Variants in DECR1 observed in about 807,000 individuals in gnomAD.
DECR1 encodes the protein 2,4-dienoyl-CoA reductase [(3E)-enoyl-CoA-producing], mitochondrial.
In DECR1, 44 loss-of-function variants were observed where a neutral mutation model predicts 38.8. The observed-to-expected ratio is 1.13, with a 90% confidence interval of 0.89 to 1.46. The LOEUF (loss-of-function observed/expected upper bound fraction) is 1.46, where lower values mean the gene tolerates loss of function less well. Among genes scored for constraint, DECR1 ranks in the 40% most tolerant of loss-of-function variants. The pLI is 0.00. For missense variants in DECR1, 428 were observed against 405.5 expected, an observed-to-expected ratio of 1.06 and a Z score of -0.48; for synonymous variants, 148 against 135.2, an observed-to-expected ratio of 1.09 and a Z score of -0.66.
chr8:90,039,110 A>G (rs1813687615), intron 6 of DECR1, among the ~76,000 whole-genome samples: 1 of 152,198 alleles, frequency 6.6e-6, no homozygotes, highest in African/African-American at 2.4e-5. Flanking sequence ...TTCTTCTCAT[A>G]CTTTATAGTA....
chr8:90,018,644 T>C (rs773912620), intron 2 of DECR1: 1 of 339,584 alleles, frequency 2.9e-6, no homozygotes, highest in Non-Finnish European at 5.5e-6. Context: ...TTTGTAAACC[T>C]GGCTTATCAA....
intron 8 of DECR1, among the ~76,000 whole-genome samples, chr8:90,046,902 T>G (rs12114835): frequency 0.078 from 11,895 of 152,192 alleles, 1,439 homozygotes; most frequent in African/African-American, 0.26. Context: ...AGAAAATAAT[T>G]TTTAACCTAG....
chr8:90,039,758 T>C (rs1813702542), intron 6 of DECR1, among the ~76,000 whole-genome samples: 1 of 152,160 alleles, frequency 6.6e-6, no homozygotes, highest in Non-Finnish European at 1.5e-5. Flanking sequence ...CATCACACAA[T>C]TCCCAGCCTA....
At chr8:90,011,448 C>G (rs903356324) in intron 1 of DECR1, among the ~76,000 whole-genome samples, 7 of 152,082 alleles carry the variant, frequency 4.6e-5, no homozygotes, top group Non-Finnish European at 1.0e-4. Context: ...CTTGCATTTT[C>G]AAAACAATTT....
intron 2 of DECR1, among the ~76,000 whole-genome samples, chr8:90,018,355 C>T (rs1813062115): frequency 6.6e-6 from 1 of 152,198 alleles, no homozygotes; most frequent in South Asian, 2.1e-4. Flanking sequence ...GTTTAAAAAT[C>T]CACCCCTTCA....
chr8:90,025,146 G>C (rs1350120399), intron 5 of DECR1, among the ~76,000 whole-genome samples: 10 of 152,006 alleles, frequency 6.6e-5, no homozygotes, highest in Admixed American at 2.0e-4. Context: ...AGTTTGAAGT[G>C]AGGTAGTATG....
At chr8:90,029,292 G>A (rs1198027645) in intron 5 of DECR1, 2 of 152,156 alleles carry the variant, frequency 1.3e-5, no homozygotes, top group African/African-American at 4.8e-5. Context: ...AGATGTACAT[G>A]TGCTTTTTCT....
At chr8:90,019,753 C>T (rs555646839) in intron 4 of DECR1, among the ~76,000 whole-genome samples, 2 of 152,344 alleles carry the variant, frequency 1.3e-5, no homozygotes, top group South Asian at 2.1e-4. Context: ...TGAGCAAGTG[C>T]TGTGTTGAGA....
At chr8:90,031,078 T>C (rs934514332) in intron 5 of DECR1, among the ~76,000 whole-genome samples, 22 of 152,174 alleles carry the variant, frequency 1.4e-4, no homozygotes, top group Non-Finnish European at 3.1e-4. Flanking sequence ...AGTTACATAG[T>C]AGTTAAGAGT....
At chr8:90,015,164 CAA>C (rs532179611) in intron 1 of DECR1, among the ~76,000 whole-genome samples, 1 of 149,632 alleles carries the variant, frequency 6.7e-6, no homozygotes, top group African/African-American at 2.5e-5. Context: ...AACAAACAAA[CAA>C]AAAAAAACAA....
intron 5 of DECR1, among the ~76,000 whole-genome samples, chr8:90,031,769 A>G (rs532871907): frequency 6.6e-6 from 1 of 152,140 alleles, no homozygotes; most frequent in Non-Finnish European, 1.5e-5. Flanking sequence ...TGCAACCAAC[A>G]GCTCAGTTGT....
chr8:90,038,664 C>G (rs1014520327), intron 6 of DECR1, among the ~76,000 whole-genome samples: 1 of 151,894 alleles, frequency 6.6e-6, no homozygotes, highest in African/African-American at 2.4e-5. Context: ...CCTCCATTAA[C>G]GTAACATTAA....
At chr8:90,007,554 GTGGGGGTGGGGTTAA>G (rs1441354335) in intron 1 of DECR1, among the ~76,000 whole-genome samples, 3 of 151,956 alleles carry the variant, frequency 2.0e-5, no homozygotes, top group Admixed American at 6.6e-5. Flanking sequence ...AGGGCAGGTG[GTGGGGGTGGGGTTAA>G]TGGATGAATC....
intron 1 of DECR1, chr8:90,005,479 T>C (rs1812716296): frequency 1.3e-5 from 6 of 455,804 alleles, no homozygotes; most frequent in South Asian, 9.3e-5. Flanking sequence ...GAAGCCAAAG[T>C]ATCACTTTTA....
intron 1 of DECR1, among the ~76,000 whole-genome samples, chr8:90,001,995 G>A (rs535684744): frequency 6.6e-6 from 1 of 152,300 alleles, no homozygotes; most frequent in South Asian, 2.1e-4. Flanking sequence ...ACCAGGTCCC[G>A]GAGCGAAGGG....
chr8:90,006,113 C>G, intron 1 of DECR1: 2 of 673,046 alleles, frequency 3.0e-6, no homozygotes, highest in Non-Finnish European at 5.4e-6. Context: ...CCACCTCCAA[C>G]ATTGGGGATC....
chr8:90,052,112 A>G lies in DECR1; in HGVS notation c.*215A>G. On this transcript the variant is annotated 3_prime_UTR_variant, in exon 10 of 10. Transcript: ENST00000220764. ...AACATTAAAAAAAAAAAAAGGAGGC[A>G]TGGGGAGAGTAGGTAAAGGCTCCTC... 1.9e-6 allele frequency: 1 copy of G among 513,678 alleles called. No homozygotes were observed. The highest frequency in any genetic ancestry group is 2.7e-5 in the South Asian group (1 of 37,594). The allele number at this position is 513,678 out of a possible 1,614,324, so 31.8% of individuals were successfully genotyped here. A position where few individuals can be genotyped will look rare whatever the true frequency, so the allele number is the denominator to read the frequency against.
chr8:90,045,491 G>A (rs969787868), intron 8 of DECR1, among the ~76,000 whole-genome samples: 10 of 152,170 alleles, frequency 6.6e-5, no homozygotes, highest in Non-Finnish European at 1.3e-4. Flanking sequence ...AGGGGTGTCC[G>A]CCAGTGCTGG....
At chr8:90,047,489 C>G (rs1199738262) in intron 8 of DECR1, among the ~76,000 whole-genome samples, 4 of 152,180 alleles carry the variant, frequency 2.6e-5, no homozygotes, top group Non-Finnish European at 5.9e-5. Context: ...GCTAACTATC[C>G]TAAATATATT....
Sources: allele counts gnomAD v4.1 joint callset (sites outside exome capture counted in the v4.1 genomes callset), GRCh38; gene constraint gnomAD v4.1.1; transcripts MANE v1.5; gene names NCBI Gene and HGNC (gene_info 2026-07-23, HGNC 2026-07-21).